The following BLTP3B variants were observed in gnomAD, a reference collection of about 807,000 sequenced individuals.
The protein encoded by BLTP3B is bridge-like lipid transfer protein family member 3B.
chr12:100,044,110 A>C, the BLTP3B span, among the ~76,000 whole-genome samples: 1 of 152,002 alleles, frequency 6.6e-6, no homozygotes, highest in Non-Finnish European at 1.5e-5. Context: ...TTTTTTTAAT[A>C]AGACAGACCT....
At chr12:100,102,953 A>G in the BLTP3B span, 20 of 825,576 alleles carry the variant, frequency 2.4e-5, no homozygotes, top group Non-Finnish European at 3.3e-5. Context: ...ATTTTTCTTT[A>G]GGAAGAAAGT....
chr12:100,048,376 T>C, the BLTP3B span, among the ~76,000 whole-genome samples: 2 of 152,168 alleles, frequency 1.3e-5, no homozygotes, highest in Non-Finnish European at 2.9e-5. Context: ...GGCAACTTTC[T>C]ACTACAATAA....
At chr12:100,102,074 A>G in the BLTP3B span, among the ~76,000 whole-genome samples, 8 of 150,606 alleles carry the variant, frequency 5.3e-5, no homozygotes, top group African/African-American at 2.0e-4. Context: ...TGCTGGTATT[A>G]CAGGCGTGGG....
chr12:100,112,308 G>C, the BLTP3B span, among the ~76,000 whole-genome samples: 1 of 152,100 alleles, frequency 6.6e-6, no homozygotes, highest in Non-Finnish European at 1.5e-5. Context: ...ATATATTAGT[G>C]AGTGACTATA....
At chr12:100,098,480 T>C in the BLTP3B span, 4 of 1,613,950 alleles carry the variant, frequency 2.5e-6, no homozygotes, top group Non-Finnish European at 3.4e-6. Flanking sequence ...CCAATTCTGA[T>C]GACTATAGAA....
the BLTP3B span, among the ~76,000 whole-genome samples, chr12:100,088,444 G>A: frequency 6.6e-6 from 1 of 152,164 alleles, no homozygotes; most frequent in Non-Finnish European, 1.5e-5. Flanking sequence ...TGGAAGGATG[G>A]GAAGAGAGGT....
the BLTP3B span, among the ~76,000 whole-genome samples, chr12:100,105,769 A>C: frequency 6.6e-6 from 1 of 152,118 alleles, no homozygotes; most frequent in African/African-American, 2.4e-5. Flanking sequence ...AATATTCACA[A>C]ACTATGCATC....
At chr12:100,099,904 G>A in the BLTP3B span, among the ~76,000 whole-genome samples, 1 of 150,252 alleles carries the variant, frequency 6.7e-6, no homozygotes, top group Admixed American at 6.7e-5. Context: ...GTCCAGCCTG[G>A]GTGACAGAGA....
chr12:100,093,503 G>A, the BLTP3B span, among the ~76,000 whole-genome samples: 1 of 152,172 alleles, frequency 6.6e-6, no homozygotes, highest in African/African-American at 2.4e-5. Context: ...CATCTGGCTT[G>A]CAATTTCCAA....
At chr12:100,142,783 C>T in the BLTP3B span, 2 of 1,202,190 alleles carry the variant, frequency 1.7e-6, no homozygotes, top group Non-Finnish European at 2.2e-6. Context: ...CCGGCCAAGG[C>T]CACAGCCGCC....
the BLTP3B span, among the ~76,000 whole-genome samples, chr12:100,095,413 A>C: frequency 6.6e-6 from 1 of 152,216 alleles, no homozygotes; most frequent in Non-Finnish European, 1.5e-5. Flanking sequence ...TCCTAAACAG[A>C]GGTATTAAAA....
At chr12:100,081,010 C>T in the BLTP3B span, among the ~76,000 whole-genome samples, 1 of 152,116 alleles carries the variant, frequency 6.6e-6, no homozygotes, top group East Asian at 1.9e-4. Context: ...CTCATGAGAT[C>T]TGATGGTTTT....
At chr12:100,055,519 A>G in the BLTP3B span, among the ~76,000 whole-genome samples, 2 of 152,106 alleles carry the variant, frequency 1.3e-5, 1 homozygote. Context: ...TCTACCAAAA[A>G]TACAAAAATT....
chr12:100,120,610 T>C, the BLTP3B span, among the ~76,000 whole-genome samples: 3 of 152,214 alleles, frequency 2.0e-5, no homozygotes, highest in Non-Finnish European at 2.9e-5. Flanking sequence ...GGAACTCTCA[T>C]ATACGTATTT....
chr12:100,075,736 C>T, the BLTP3B span, among the ~76,000 whole-genome samples: 6 of 152,166 alleles, frequency 3.9e-5, no homozygotes, highest in Non-Finnish European at 8.8e-5. Flanking sequence ...TGAAACAATG[C>T]TCAATACACT....
the BLTP3B span, chr12:100,048,224 T>G: frequency 6.4e-7 from 1 of 1,551,176 alleles, no homozygotes; most frequent in East Asian, 2.3e-5. Context: ...ACAAAAATGT[T>G]TGTAGCATTA....
chr12:100,088,129 T>C, the BLTP3B span, among the ~76,000 whole-genome samples: 1 of 152,088 alleles, frequency 6.6e-6, no homozygotes, highest in East Asian at 1.9e-4. Flanking sequence ...TAAAAACACA[T>C]GGCAAAAATT....
At chr12:100,078,233 T>C in the BLTP3B span, among the ~76,000 whole-genome samples, 1 of 152,064 alleles carries the variant, frequency 6.6e-6, no homozygotes, top group African/African-American at 2.4e-5. Context: ...ATGTGGCACC[T>C]CCCTGCGCCA....
At chr12:100,116,710 T>C in the BLTP3B span, among the ~76,000 whole-genome samples, 1 of 152,168 alleles carries the variant, frequency 6.6e-6, no homozygotes, top group Admixed American at 6.5e-5. Context: ...CTCTCATCAC[T>C]TTTTTCCAAC....
Sources: allele counts gnomAD v4.1 joint callset (sites outside exome capture counted in the v4.1 genomes callset), GRCh38; gene constraint gnomAD v4.1.1; transcripts MANE v1.5; gene names NCBI Gene and HGNC (gene_info 2026-07-23, HGNC 2026-07-21).